Variants in NOXA1 observed in about 807,000 individuals in gnomAD.
NOXA1 encodes the protein NCF2-like protein.
In NOXA1, 56 loss-of-function variants were observed where a neutral mutation model predicts 64.8. That is an observed-to-expected ratio of 0.86 (90% CI 0.70 to 1.08). NOXA1 has a LOEUF of 1.08. NOXA1 is among the 50% of genes least tolerant of loss of function. The pLI, the probability that NOXA1 is intolerant of heterozygous loss-of-function variation, is 0.00. For synonymous variants in NOXA1, 295 were observed against 294.8 expected (o/e 1.00, Z -0.01); for missense variants, 668 against 658.5 (o/e 1.01, Z -0.16).
chr9:137,429,809 CG>C (rs1410339415), intron 5 of NOXA1, among the ~76,000 whole-genome samples: 3 of 97,748 alleles, frequency 3.1e-5, no homozygotes, highest in Non-Finnish European at 5.8e-5. Flanking sequence ...AGCGAGGTCC[CG>C]GGGGGGTCCC....
At chr9:137,433,097 G>A in intron 9 of NOXA1, 23 bp downstream of exon 9, 2 of 1,612,612 alleles carry the variant, frequency 1.2e-6, no homozygotes, top group Non-Finnish European at 8.5e-7. Context: ...TCAGCGGCGG[G>A]GTCCCCGGGT....
At position 137,434,069 on chromosome 9, in the gene NOXA1, C is replaced by A. The variant is rs751216798; in HGVS notation, c.1284C>A (p.Val428=). The A allele has an allele frequency of 3.2e-6, 5 of 1,582,812 alleles. No individual in the cohort carries two copies. Among genetic ancestry groups the A allele is most frequent in the Non-Finnish European group, 4.3e-6 (5 of 1,169,302 alleles). ...TCCGACAGGGGGACACGGTGGACGT[C>A]CTGTGTGAAGGTAGGGTGGGCATGG... is the stretch of plus-strand genomic sequence containing the variant. ...LGFRQGDTVD[V]LCEVDQAWLE... Residue 428 remains valine, a synonymous_variant, in exon 13 of 14, where the codon GTC becomes GTA. Coordinates refer to ENST00000683555, the MANE Select transcript of NOXA1 (RefSeq NM_001256067.2).
chr9:137,430,062 G>A (rs113926263), intron 5 of NOXA1, among the ~76,000 whole-genome samples: 3,395 of 122,800 alleles, frequency 0.028, 59 homozygotes, highest in Middle Eastern at 0.043. Context: ...GTCCCGGGGG[G>A]CGGGGGTGCC....
In NOXA1 at chr9:137,429,268, C is replaced by T. The variant is rs1396221763; in HGVS notation, c.505-8C>T. The T allele has an allele frequency of 2.0e-6, 3 of 1,535,886 alleles. No homozygotes were observed. Among genetic ancestry groups the T allele is most frequent in the Non-Finnish European group, 2.6e-6 (3 of 1,136,620 alleles). On this transcript the variant is annotated splice_polypyrimidine_tract_variant and splice_region_variant and intron_variant, in intron 4 of 13. Coordinates refer to ENST00000683555, the MANE Select transcript of NOXA1 (RefSeq NM_001256067.2). ...CGTCTGCATCTGCTGGATACCCACCCCCTCCAGAGACGGGGCTCACTGCCG... is the reference window on the plus strand; with the variant it reads ...CGTCTGCATCTGCTGGATACCCACCTCCTCCAGAGACGGGGCTCACTGCCG...
chr9:137,434,117 T>C, intron 13 of NOXA1, 38 bp downstream of exon 13: 1 of 1,582,568 alleles, frequency 6.3e-7, no homozygotes, highest in Non-Finnish European at 8.6e-7. Context: ...AGCACCGTGG[T>C]GCCCGGGGTG....
chr9:137,423,892 G>A (rs1314411589), intron 1 of NOXA1, among the ~76,000 whole-genome samples, 186 bp downstream of exon 1: 3 of 152,222 alleles, frequency 2.0e-5, no homozygotes, highest in Admixed American at 6.5e-5. Context: ...TGGGGGGCGC[G>A]GCGGTCACCG....
intron 2 of NOXA1, among the ~76,000 whole-genome samples, chr9:137,427,738 T>C (rs1838899670): frequency 6.6e-6 from 1 of 152,204 alleles, no homozygotes; most frequent in African/African-American, 2.4e-5. Flanking sequence ...ACCAGGGCTC[T>C]CTGCACGGTT....
chr9:137,427,756 G>C (rs1218937929), intron 2 of NOXA1, among the ~76,000 whole-genome samples: 1 of 152,246 alleles, frequency 6.6e-6, no homozygotes, highest in Non-Finnish European at 1.5e-5. Context: ...GTTCAGAAGA[G>C]AGGCTTGGGG....
At chr9:137,425,973 G>C (rs746578966) in intron 1 of NOXA1, among the ~76,000 whole-genome samples, 10 of 152,020 alleles carry the variant, frequency 6.6e-5, no homozygotes, top group Non-Finnish European at 1.3e-4. Flanking sequence ...TCTGGCCTCT[G>C]TCCTTGTGCT....
intron 8 of NOXA1, 25 bp from the exon 9 acceptor site, chr9:137,433,004 C>G (rs1423645347): frequency 8.1e-6 from 13 of 1,611,994 alleles, no homozygotes; most frequent in Non-Finnish European, 1.1e-5. Context: ...CGCCCCAGCC[C>G]ACCCAGCCTG....
rs113228211 is a variant in NOXA1, at chr9:137,434,046, C to T, written c.1261C>T (p.Arg421Ter). 17 of 1,576,596 alleles carry T rather than the reference C, an allele frequency of 1.1e-5. No individual in the cohort carries two copies. Among genetic ancestry groups the T allele is most frequent in the African/African-American group, 2.7e-5 (2 of 74,232 alleles). Residue 421 changes from arginine to a stop codon, truncating the protein, a stop_gained, in exon 13 of 14, where the codon CGA becomes TGA. Coordinates refer to ENST00000683555, the MANE Select transcript of NOXA1 (RefSeq NM_001256067.2). LOFTEE classifies it low-confidence loss of function (END_TRUNC). ...SAQGPEDLGF[R>*]QGDTVDVLCE... is the part of the protein sequence containing the mutation. ...CCAGGGGCCAGAGGACCTGGGCTTC[C>T]GACAGGGGGACACGGTGGACGTCCT...
At chr9:137,429,454 G>C (rs9697151) in intron 5 of NOXA1, 71 bp downstream of exon 5, 331,723 of 1,132,836 alleles carry the variant, frequency 0.29, 52,119 homozygotes, top group East Asian at 0.62. Flanking sequence ...CCCAGGGATG[G>C]GGGGAGGTGC....
In NOXA1 at chr9:137,433,619, A is replaced by T; in HGVS notation, c.1064+12A>T. On this transcript the variant is annotated intron_variant, in intron 11 of 13. Coordinates refer to ENST00000683555, the MANE Select transcript of NOXA1 (RefSeq NM_001256067.2). ...CTTGGGCAACTCAGGTGGGCCAGAAAGCCCCCGGTGGCTGCGGTGGAGCTG... is the reference window on the plus strand; with the variant it reads ...CTTGGGCAACTCAGGTGGGCCAGAATGCCCCCGGTGGCTGCGGTGGAGCTG... The T allele has an allele frequency of 6.5e-7, 1 of 1,540,682 alleles. No individual in the cohort carries two copies. The highest frequency in any genetic ancestry group is 1.7e-4 in the Middle Eastern group (1 of 5,834).
chr9:137,432,937 C>T (rs905037101), intron 8 of NOXA1, 92 bp from the exon 9 acceptor site: 1 of 1,413,024 alleles, frequency 7.1e-7, no homozygotes. Flanking sequence ...GCCGGGCACA[C>T]AGGCCACACC....
Position 137,428,895 on chromosome 9 carries a change from T to C in NOXA1, c.383T>C (p.Val128Ala), listed in dbSNP as rs748072347. The change falls in exon 4 of 14, where the codon GTG (valine) becomes GCG (alanine). Residue 128 changes from valine (V) to alanine (A), a missense_variant. By Grantham distance (64) the Val-to-Ala change is moderately conservative. Coordinates refer to ENST00000683555, the MANE Select transcript of NOXA1 (RefSeq NM_001256067.2). Reference protein sequence around the residue: ...KLQAWEVLHNVASAQCQLGLW... With the variant: ...KLQAWEVLHNAASAQCQLGLW... Reference sequence around the variant, plus strand: ...CCCCACTCCCAGGTGCTACACAATGTGGCGTCGGCACAGTGCCAGCTGGGG... The same window carrying C: ...CCCCACTCCCAGGTGCTACACAATGCGGCGTCGGCACAGTGCCAGCTGGGG... 1 of 1,586,270 alleles carries C rather than the reference T, an allele frequency of 6.3e-7. No individual in the cohort carries two copies. Among genetic ancestry groups the C allele is most frequent in the South Asian group, 1.1e-5 (1 of 87,140 alleles).
chr9:137,425,769 G>A (rs1302290542), intron 1 of NOXA1, among the ~76,000 whole-genome samples: 1 of 151,874 alleles, frequency 6.6e-6, no homozygotes, highest in Non-Finnish European at 1.5e-5. Context: ...GGTTGCCTGA[G>A]GTCAGGAGTT....
chr9:137,426,859 C>T (rs931854134), intron 2 of NOXA1, among the ~76,000 whole-genome samples: 2 of 152,168 alleles, frequency 1.3e-5, no homozygotes, highest in Admixed American at 6.5e-5. Context: ...TGCAATTGTG[C>T]GATCTCGGCT....
chr9:137,426,417 C>A, intron 2 of NOXA1, 87 bp downstream of exon 2: 1 of 1,092,206 alleles, frequency 9.2e-7, no homozygotes, highest in Non-Finnish European at 1.4e-6. Context: ...CCTCCCTCTC[C>A]ATCCACTCCC....
Position 137,431,491 on chromosome 9 carries a change from C to T in NOXA1, c.804+150C>T, listed in dbSNP as rs1026409748. The T allele has an allele frequency of 7.4e-6, 5 of 677,770 alleles. No individual in the cohort carries two copies. Among genetic ancestry groups the T allele is most frequent in the African/African-American group, 1.8e-5 (1 of 56,004 alleles). 42.0% of individuals were successfully genotyped at this position (677,770 alleles called of 1,614,324 possible). On this transcript the variant is annotated intron_variant, in intron 8 of 13. Transcript: ENST00000683555. This position sits in a 1 kb window ranked among gnomAD's most constrained non-coding sequence, Gnocchi z 5.6. The stretch of plus-strand genomic sequence containing the variant: ...GGGCTCACCCGTGGTCCTGGCCCAG[C>T]CCAGCCAGATGGGAGGATGCCTGGC...
Sources: gnomAD v4.1 joint callset for allele counts (sites outside exome capture counted in the v4.1 genomes callset) on GRCh38, gnomAD v4.1.1 for gene constraint, Gnocchi (gnomAD v3.1) non-coding constraint, MANE v1.5 for transcripts, NCBI Gene and HGNC (gene_info 2026-07-23, HGNC 2026-07-21) for gene names.